Variants in MYT1L observed in about 807,000 individuals in gnomAD.
The protein encoded by MYT1L is myelin transcription factor 1-like protein.
A neutral mutation model predicts 126.7 loss-of-function variants in MYT1L; 12 were observed. That is an observed-to-expected ratio of 0.09 (90% confidence interval 0.06 to 0.15). The LOEUF (loss-of-function observed/expected upper bound fraction) is 0.15, where lower values mean the gene tolerates loss of function less well. Ranked by LOEUF, MYT1L falls within the 10% of genes least tolerant of loss-of-function variation. The probability of loss-of-function intolerance (pLI) is 1.00; values close to 1 mark genes in which losing one functional copy is unlikely to be tolerated. For synonymous variants in MYT1L, 541 were observed against 604.2 expected (o/e 0.90, Z 1.53); for missense variants, 979 against 1,585.2 (o/e 0.62, Z 6.49).
At chr2:2,174,309 T>G (rs2090457343) in intron 2 of MYT1L, among the ~76,000 whole-genome samples, 1 of 152,206 alleles carries the variant, frequency 6.6e-6, no homozygotes. Flanking sequence ...ATAACAATGG[T>G]GTGTTTTATG....
chr2:1,847,529 C>T (rs889161984), intron 19 of MYT1L, among the ~76,000 whole-genome samples: 1 of 151,990 alleles, frequency 6.6e-6, no homozygotes, highest in Non-Finnish European at 1.5e-5. Flanking sequence ...TCTGGCGGGA[C>T]CTGGAGACTA....
At chr2:2,250,242 A>G (rs1301800292) in intron 2 of MYT1L, among the ~76,000 whole-genome samples, 1 of 152,226 alleles carries the variant, frequency 6.6e-6, no homozygotes, top group African/African-American at 2.4e-5. Context: ...CTCTGTTCAC[A>G]GCAGCCAATG....
chr2:2,022,711 A>G (rs1314780265), intron 4 of MYT1L, among the ~76,000 whole-genome samples: 1 of 152,104 alleles, frequency 6.6e-6, no homozygotes. Context: ...CTGAAAAAAA[A>G]AAAAAGAAAA....
chr2:2,025,646 C>A (rs1475254137), intron 4 of MYT1L, among the ~76,000 whole-genome samples: 1 of 152,184 alleles, frequency 6.6e-6, no homozygotes, highest in Admixed American at 6.5e-5. Context: ...ACGCCCAAGT[C>A]TTCCTGAGCA....
In MYT1L at chr2:2,210,826, C is replaced by T. The variant is rs569090161; in HGVS notation, c.-420-37838G>A. Among the ~76,000 whole-genome samples, 5 of 152,224 alleles carry T rather than the reference C, an allele frequency of 3.3e-5. No homozygotes were observed. In the South Asian group the frequency reaches 6.2e-4, roughly 19 times the overall value. ...TGTAGATTTCTTTGGGTAGTATGGACGTTTTAACAATATTGATTCTTCCAA... is the reference window on the plus strand; with the variant it reads ...TGTAGATTTCTTTGGGTAGTATGGATGTTTTAACAATATTGATTCTTCCAA... On this transcript the variant is annotated intron_variant, in intron 2 of 24. Coordinates refer to ENST00000647738, the MANE Select transcript of MYT1L (RefSeq NM_001303052.2).
At chr2:2,269,766 T>G (rs2095225050) in intron 2 of MYT1L, among the ~76,000 whole-genome samples, 1 of 152,180 alleles carries the variant, frequency 6.6e-6, no homozygotes, top group South Asian at 2.1e-4. Context: ...CTATAGTGCC[T>G]TCTGCCTGAA....
chr2:2,281,969 G>A (rs1015810563), intron 2 of MYT1L, among the ~76,000 whole-genome samples: 4 of 152,180 alleles, frequency 2.6e-5, no homozygotes, highest in Non-Finnish European at 4.4e-5. Context: ...GCACTCTGGC[G>A]TTTAGTATAA....
intron 4 of MYT1L, among the ~76,000 whole-genome samples, chr2:2,023,651 G>A (rs981770348): frequency 6.6e-6 from 1 of 151,786 alleles, no homozygotes; most frequent in African/African-American, 2.4e-5. Context: ...CAACATAGAG[G>A]ACTGAATAGT....
intron 4 of MYT1L, among the ~76,000 whole-genome samples, chr2:2,010,771 T>C (rs1369651104): frequency 6.6e-6 from 1 of 152,134 alleles, no homozygotes; most frequent in Non-Finnish European, 1.5e-5. Flanking sequence ...CAAAACTCAC[T>C]ACAAAGCAAC....
chr2:1,808,043 A>G (rs980035814), intron 22 of MYT1L, among the ~76,000 whole-genome samples: 6 of 152,044 alleles, frequency 3.9e-5, no homozygotes, highest in African/African-American at 1.2e-4. Context: ...CCATGTGAAG[A>G]AGGACACATT....
intron 8 of MYT1L, among the ~76,000 whole-genome samples, chr2:1,975,741 G>A (rs960782003): frequency 6.6e-6 from 1 of 152,138 alleles, no homozygotes; most frequent in East Asian, 1.9e-4. Context: ...GCGCACACTT[G>A]TAATCCCAGC....
intron 18 of MYT1L, among the ~76,000 whole-genome samples, chr2:1,877,057 G>A (rs1416197500): frequency 6.6e-6 from 1 of 152,118 alleles, no homozygotes; most frequent in Non-Finnish European, 1.5e-5. Context: ...TTATAACCCT[G>A]CAGCAGAAAA....
At chr2:2,026,788 T>A (rs1219743554) in intron 4 of MYT1L, among the ~76,000 whole-genome samples, 3 of 152,006 alleles carry the variant, frequency 2.0e-5, no homozygotes, top group African/African-American at 7.2e-5. Flanking sequence ...TCTGGTGGAA[T>A]GTTCTTGAAC....
At chr2:2,318,940 T>C (rs951000330) in intron 1 of MYT1L, among the ~76,000 whole-genome samples, 2 of 152,212 alleles carry the variant, frequency 1.3e-5, no homozygotes, top group African/African-American at 4.8e-5. Flanking sequence ...CAGGGAGTAA[T>C]GGCAAAATTC....
chr2:1,849,362 T>C (rs2042921631), intron 19 of MYT1L, among the ~76,000 whole-genome samples: 1 of 151,366 alleles, frequency 6.6e-6, no homozygotes, highest in Non-Finnish European at 1.5e-5. Flanking sequence ...TTTTTTTTAA[T>C]CTAAACCAGT....
At chr2:1,854,287 T>A (rs980211275) in intron 18 of MYT1L, among the ~76,000 whole-genome samples, 2 of 152,288 alleles carry the variant, frequency 1.3e-5, no homozygotes, top group East Asian at 3.9e-4. Flanking sequence ...TTTGTTTTGT[T>A]TATTGATTAG....
intron 18 of MYT1L, among the ~76,000 whole-genome samples, chr2:1,862,028 A>G (rs1438945916): frequency 6.7e-6 from 1 of 149,752 alleles, no homozygotes; most frequent in South Asian, 2.1e-4. Flanking sequence ...CTCGGGGGTT[A>G]CCTGATGTTT....
At chr2:2,087,785 G>C (rs1212370534) in intron 3 of MYT1L, among the ~76,000 whole-genome samples, 2 of 152,116 alleles carry the variant, frequency 1.3e-5, no homozygotes, top group African/African-American at 4.8e-5. Context: ...CAAGTCAAAA[G>C]AAAAAGGAAA....
chr2:1,979,768 C>T lies in MYT1L; in HGVS notation c.10G>A (p.Asp4Asn), dbSNP rs1386585073. 1 of 1,613,950 alleles carries T rather than the reference C, an allele frequency of 6.2e-7. No individual in the cohort carries two copies. Among genetic ancestry groups the T allele is most frequent in the Admixed American group, 1.7e-5 (1 of 60,030 alleles). MEV[D>N]TEEKRHRTRS... The stretch of plus-strand genomic sequence containing the variant: ...GTGCGATGCCGCTTCTCCTCGGTGT[C>T]CACCTCCATCTGGGGATAGATTAGC... The change falls in exon 6 of 25, where the codon GAC (aspartate) becomes AAC (asparagine). Residue 4 changes from aspartate (D) to asparagine (N), a missense_variant. Asp to Asn is a conservative substitution (Grantham distance 23). Transcript: ENST00000647738. This position sits in a 1 kb window ranked among gnomAD's most constrained non-coding sequence, Gnocchi z 4.0.
Sources: allele counts gnomAD v4.1 joint callset (sites outside exome capture counted in the v4.1 genomes callset), GRCh38; gene constraint gnomAD v4.1.1; non-coding constraint Gnocchi (gnomAD v3.1); transcripts MANE v1.5; gene names NCBI Gene and HGNC (gene_info 2026-07-23, HGNC 2026-07-21).